Variants in GPC3 observed in about 807,000 individuals in gnomAD.
GPC3 encodes the protein glypican 3.
In GPC3, 3 loss-of-function variants were observed where a neutral mutation model predicts 34.4. The observed-to-expected ratio is 0.09, with a 90% CI of 0.04 to 0.23. The LOEUF (loss-of-function observed/expected upper bound fraction) is 0.23. GPC3 is among the 10% of genes least tolerant of loss of function. The probability of loss-of-function intolerance (pLI) is 1.00; values close to 1 mark genes in which losing one functional copy is unlikely to be tolerated. For missense variants in GPC3, 351 were observed against 445.6 expected (o/e 0.79, Z 1.91); for synonymous variants, 177 against 174.0 (o/e 1.02, Z -0.13).
intron 2 of GPC3, among the ~76,000 whole-genome samples, chrX:133,833,205 T>C (rs967436150): frequency 9.0e-6 from 1 of 111,375 alleles, no homozygotes; most frequent in South Asian, 3.8e-4. Flanking sequence ...TCAAAATAAG[T>C]CCTAAAATGA....
At chrX:133,579,202 C>A (rs1020967704) in intron 7 of GPC3, among the ~76,000 whole-genome samples, 1 of 112,393 alleles carries the variant, frequency 8.9e-6, no homozygotes, top group Admixed American at 9.4e-5. Flanking sequence ...GGGTGTGAAG[C>A]TTTACCTTTG....
In GPC3 at chrX:133,602,363, G is replaced by A. The variant is rs192237737; in HGVS notation, c.1414-5764C>T. On this transcript the variant is annotated intron_variant, in intron 6 of 7. Transcript: ENST00000370818. The stretch of plus-strand genomic sequence containing the variant: ...TACCAGGGTCCCCATACTGCAGGAG[G>A]TGAGTAGCAGGTGAGCACCTGGGAT... Among the ~76,000 whole-genome samples the A allele has an allele frequency of 4.6e-4, 51 of 111,516 alleles. 1 individual carries two copies. The highest frequency in any genetic ancestry group is 1.6e-3 in the African/African-American group (49 of 30,713).
At chrX:133,554,090 T>G (rs2069462931) in intron 7 of GPC3, among the ~76,000 whole-genome samples, 1 of 109,077 alleles carries the variant, frequency 9.2e-6, no homozygotes, top group South Asian at 4.1e-4. Context: ...CTCGGCTCAC[T>G]GCAACCTCCA....
intron 2 of GPC3, among the ~76,000 whole-genome samples, chrX:133,899,757 T>C (rs1360432374): frequency 9.0e-6 from 1 of 111,551 alleles, no homozygotes; most frequent in East Asian, 2.8e-4. Flanking sequence ...TTGTAAGTGA[T>C]TTGACCAATG....
chrX:133,617,367 C>G (rs2070178781), intron 6 of GPC3, among the ~76,000 whole-genome samples: 2 of 112,162 alleles, frequency 1.8e-5, no homozygotes, highest in African/African-American at 3.2e-5. Flanking sequence ...ACTTTGAAGC[C>G]CAGTCACTCT....
At chrX:133,718,089 GA>G (rs1251094514) in intron 3 of GPC3, among the ~76,000 whole-genome samples, 2 of 110,844 alleles carry the variant, frequency 1.8e-5, no homozygotes, top group East Asian at 2.8e-4. Context: ...CCTGTCTCTA[GA>G]AAAAAAGAGA....
chrX:133,688,098 G>C (rs975104160), intron 5 of GPC3, among the ~76,000 whole-genome samples: 2 of 112,342 alleles, frequency 1.8e-5, no homozygotes, highest in Non-Finnish European at 3.8e-5. Flanking sequence ...AGCAATCTGG[G>C]TTCCTTTATC....
At chrX:133,652,187 T>C (rs144767658) in intron 6 of GPC3, among the ~76,000 whole-genome samples, 79 of 112,458 alleles carry the variant, frequency 7.0e-4, no homozygotes, top group African/African-American at 2.5e-3. Context: ...CTTCACCAAT[T>C]CTTTGTGATG....
intron 6 of GPC3, among the ~76,000 whole-genome samples, chrX:133,641,349 G>A (rs931618663): frequency 6.4e-5 from 7 of 109,493 alleles, no homozygotes; most frequent in African/African-American, 1.7e-4. Context: ...GGTGACGCGC[G>A]CCTGTAATCC....
chrX:133,553,458 C>T (rs960851611), intron 7 of GPC3, among the ~76,000 whole-genome samples: 5 of 111,808 alleles, frequency 4.5e-5, no homozygotes, highest in South Asian at 3.7e-4. Context: ...GCTAAAAATA[C>T]GAAATGATAA....
intron 7 of GPC3, among the ~76,000 whole-genome samples, chrX:133,585,039 G>T (rs1684600132): frequency 9.0e-6 from 1 of 111,127 alleles, no homozygotes; most frequent in Admixed American, 9.5e-5. Context: ...CTTTTAGGCA[G>T]GTGTGTACAC....
chrX:133,593,355 A>G (rs969427422), intron 7 of GPC3, among the ~76,000 whole-genome samples: 1 of 82,506 alleles, frequency 1.2e-5, no homozygotes. Flanking sequence ...AAAAAAAAGT[A>G]AAAAAAAAAA....
intron 6 of GPC3, among the ~76,000 whole-genome samples, chrX:133,598,584 A>G (rs1254120525): frequency 8.9e-6 from 1 of 111,786 alleles, no homozygotes; most frequent in Non-Finnish European, 1.9e-5. Flanking sequence ...CCTCCCACAG[A>G]TATGTCATGG....
At chrX:133,728,017 G>A (rs1453057377) in intron 3 of GPC3, among the ~76,000 whole-genome samples, 1 of 112,092 alleles carries the variant, frequency 8.9e-6, no homozygotes, top group African/African-American at 3.2e-5. Flanking sequence ...ACGTGAAGCT[G>A]ACATATGGTG....
chrX:133,960,991 T>C (rs2076438922), intron 1 of GPC3, among the ~76,000 whole-genome samples: 2 of 112,097 alleles, frequency 1.8e-5, no homozygotes, highest in Admixed American at 9.5e-5. Flanking sequence ...AGTGACTTGC[T>C]ATTGGAATGA....
In GPC3 at chrX:133,685,090, C is replaced by T. The variant is rs142382118; in HGVS notation, c.1292+7279G>A. ...CAAAAACCCACTTGTACTCCAAAAG[C>T]TATAGAAATAAAAACTAAAGAAAAG... On this transcript the variant is annotated intron_variant, in intron 5 of 7. Transcript: ENST00000370818. Among the ~76,000 whole-genome samples, 319 of 111,215 alleles carry T rather than the reference C, an allele frequency of 2.9e-3. 2 individuals are homozygous for T. The highest frequency in any genetic ancestry group is 5.3e-3 in the Non-Finnish European group (282 of 53,070).
At chrX:133,833,652 G>C (rs1013334997) in intron 2 of GPC3, among the ~76,000 whole-genome samples, 11 of 111,747 alleles carry the variant, frequency 9.8e-5, no homozygotes, top group African/African-American at 3.6e-4. Flanking sequence ...AGTTTGTAAC[G>C]CATATAACAA....
At chrX:133,731,307 G>A (rs2071460713) in intron 3 of GPC3, among the ~76,000 whole-genome samples, 1 of 112,777 alleles carries the variant, frequency 8.9e-6, no homozygotes, top group African/African-American at 3.2e-5. Context: ...TTGGACATGT[G>A]TGCATGGGTG....
chrX:133,908,984 C>T (rs147533461), intron 2 of GPC3, among the ~76,000 whole-genome samples: 4,432 of 111,866 alleles, frequency 0.04, 98 homozygotes, highest in Middle Eastern at 0.092. Flanking sequence ...TATTGAACTA[C>T]GCCACCCAGC....
Sources: allele counts gnomAD v4.1 joint callset (sites outside exome capture counted in the v4.1 genomes callset), GRCh38; gene constraint gnomAD v4.1.1; transcripts MANE v1.5; gene names NCBI Gene and HGNC (gene_info 2026-07-23, HGNC 2026-07-21).